The following AMN1 variants were observed in gnomAD, a reference collection of about 807,000 sequenced individuals.
AMN1 encodes protein AMN1 homolog.
A neutral mutation model predicts 33.0 loss-of-function variants in AMN1; 20 were observed. The observed-to-expected ratio is 0.61, with a 90% CI of 0.43 to 0.88. AMN1 has a LOEUF of 0.88. AMN1 is among the 40% of genes least tolerant of loss of function. AMN1 has a pLI of 0.00. For synonymous variants in AMN1, 114 were observed against 111.9 expected (o/e 1.02, Z -0.12); for missense variants, 246 against 307.4 (o/e 0.80, Z 1.49).
At chr12:31,710,872 C>G (rs1366661850) in intron 1 of AMN1, among the ~76,000 whole-genome samples, 1 of 152,110 alleles carries the variant, frequency 6.6e-6, no homozygotes, top group Non-Finnish European at 1.5e-5. Flanking sequence ...TCAGAAAGCT[C>G]CTTTCCCTCT....
At chr12:31,679,435 G>A (rs534729062) in intron 6 of AMN1, among the ~76,000 whole-genome samples, 2 of 152,256 alleles carry the variant, frequency 1.3e-5, no homozygotes, top group South Asian at 2.1e-4. Flanking sequence ...GGAGGCTGAG[G>A]CAGGAGAATC....
intron 3 of AMN1, among the ~76,000 whole-genome samples, chr12:31,699,809 C>T (rs1443448565): frequency 6.6e-6 from 1 of 152,046 alleles, no homozygotes; most frequent in African/African-American, 2.4e-5. Context: ...TGGGACTGAG[C>T]CCTTAACTTG....
At chr12:31,712,091 T>C (rs901687821) in intron 1 of AMN1, among the ~76,000 whole-genome samples, 1 of 138,508 alleles carries the variant, frequency 7.2e-6, no homozygotes, top group African/African-American at 2.6e-5. Context: ...CCTCCCTCTC[T>C]CCCGAGATGG....
chr12:31,726,198 G>T (rs1396280504), intron 1 of AMN1, among the ~76,000 whole-genome samples: 3 of 135,432 alleles, frequency 2.2e-5, no homozygotes, highest in Admixed American at 7.9e-5. Flanking sequence ...TTTCGCTCTT[G>T]TTGCCCAAAC....
At chr12:31,698,717 T>C (rs1388176663) in intron 3 of AMN1, among the ~76,000 whole-genome samples, 1 of 152,058 alleles carries the variant, frequency 6.6e-6, no homozygotes, top group Non-Finnish European at 1.5e-5. Context: ...TCATTTTTAC[T>C]GTTTTCCATA....
chr12:31,714,955 G>T (rs1939613311), intron 1 of AMN1: 8 of 970,006 alleles, frequency 8.2e-6, no homozygotes, highest in Non-Finnish European at 9.8e-6. Flanking sequence ...GTAGCATCTG[G>T]TAAAATTAGG....
chr12:31,687,735 A>T lies in AMN1; in HGVS notation c.703+1272T>A, dbSNP rs1416204014. On this transcript the variant is annotated intron_variant, in intron 6 of 6. Coordinates refer to ENST00000281471, the MANE Select transcript of AMN1 (RefSeq NM_001113402.2). This position sits in a 1 kb window ranked among gnomAD's most constrained non-coding sequence, Gnocchi z 4.1. ...GAATAATTATTTAGACTGTAATAAGAAAAATGAGCTGGAAGGACTGGGCAT... is the reference window on the plus strand; with the variant it reads ...GAATAATTATTTAGACTGTAATAAGTAAAATGAGCTGGAAGGACTGGGCAT... Among the ~76,000 whole-genome samples, 1 of 152,094 alleles carries T rather than the reference A, an allele frequency of 6.6e-6. No individual in the cohort carries two copies. Among genetic ancestry groups the T allele is most frequent in the Non-Finnish European group, 1.5e-5 (1 of 68,028 alleles).
At chr12:31,691,114 G>T (rs1220470106) in intron 5 of AMN1, among the ~76,000 whole-genome samples, 2 of 148,416 alleles carry the variant, frequency 1.3e-5, no homozygotes, top group Non-Finnish European at 3.0e-5. Context: ...CTCCAGCCTG[G>T]GTGATAGAGC....
intron 1 of AMN1, among the ~76,000 whole-genome samples, chr12:31,718,404 C>G (rs1451115254): frequency 6.6e-6 from 1 of 152,040 alleles, no homozygotes; most frequent in African/African-American, 2.4e-5. Context: ...CCTTCTGAAG[C>G]CTACTTCTGT....
At chr12:31,712,809 C>T (rs1939519750) in intron 1 of AMN1, among the ~76,000 whole-genome samples, 1 of 152,060 alleles carries the variant, frequency 6.6e-6, no homozygotes, top group East Asian at 1.9e-4. Context: ...GTGCATGCCA[C>T]CACACTCAGC....
intron 1 of AMN1, among the ~76,000 whole-genome samples, chr12:31,727,487 T>A (rs1014485812): frequency 6.6e-5 from 10 of 152,194 alleles, no homozygotes; most frequent in Admixed American, 5.9e-4. Flanking sequence ...ATATTGTATC[T>A]TCCATTCACA....
chr12:31,688,443 TACC>T (rs1243094261), intron 6 of AMN1, among the ~76,000 whole-genome samples: 1 of 152,216 alleles, frequency 6.6e-6, no homozygotes, highest in Non-Finnish European at 1.5e-5. Context: ...TGGCCACCAT[TACC>T]ACCTTCATTT....
chr12:31,725,648 C>G (rs1428058147), intron 1 of AMN1, among the ~76,000 whole-genome samples: 1 of 152,068 alleles, frequency 6.6e-6, no homozygotes, highest in Non-Finnish European at 1.5e-5. Context: ...AGTTATACCC[C>G]CAATCTTAGT....
intron 1 of AMN1, among the ~76,000 whole-genome samples, chr12:31,709,875 A>G (rs1032481202): frequency 1.3e-5 from 2 of 152,290 alleles, no homozygotes. Flanking sequence ...TTACAACTTT[A>G]GCTCTGTAAG....
At chr12:31,713,125 G>T (rs1939532229) in intron 1 of AMN1, among the ~76,000 whole-genome samples, 1 of 152,004 alleles carries the variant, frequency 6.6e-6, no homozygotes, top group South Asian at 2.1e-4. Flanking sequence ...TGACAAATTT[G>T]TAAGAGCTCT....
At chr12:31,676,840 G>A (rs1001440140) in intron 6 of AMN1, among the ~76,000 whole-genome samples, 2 of 151,756 alleles carry the variant, frequency 1.3e-5, no homozygotes, top group African/African-American at 4.9e-5. Flanking sequence ...ATGCCAGATG[G>A]CAGTGTTATA....
intron 6 of AMN1, 60 bp from the exon 7 acceptor site, chr12:31,672,437 C>CCAGTTAGACATGAGGA: frequency 8.5e-7 from 1 of 1,178,560 alleles, no homozygotes; most frequent in Non-Finnish European, 1.2e-6. Context: ...AATGTTTCCT[C>CCAGTTAGACATGAGGA]ATGTCTAACT....
intron 5 of AMN1, among the ~76,000 whole-genome samples, chr12:31,695,920 C>A (rs1938702870): frequency 6.6e-6 from 1 of 152,098 alleles, no homozygotes; most frequent in African/African-American, 2.4e-5. Flanking sequence ...GTGGCATTGT[C>A]ATTCCATTAC....
At chr12:31,692,124 G>A (rs1223005361) in intron 5 of AMN1, among the ~76,000 whole-genome samples, 2 of 150,106 alleles carry the variant, frequency 1.3e-5, no homozygotes, top group Admixed American at 6.7e-5. Flanking sequence ...TGATCCACCC[G>A]CCTCAGCCTC....
Sources: allele counts gnomAD v4.1 joint callset (sites outside exome capture counted in the v4.1 genomes callset), GRCh38; gene constraint gnomAD v4.1.1; non-coding constraint Gnocchi (gnomAD v3.1); transcripts MANE v1.5; gene names NCBI Gene and HGNC (gene_info 2026-07-23, HGNC 2026-07-21).